ANKS1B: variants seen among roughly 807,000 people sequenced by gnomAD.
ANKS1B encodes ankyrin repeat and sterile alpha motif domain-containing protein 1B.
Under a neutral mutation model 148.3 loss-of-function variants are expected in ANKS1B, and 36 were observed. The ratio of observed to expected loss-of-function variants is 0.24; its 90% CI spans 0.19 to 0.32. The LOEUF (loss-of-function observed/expected upper bound fraction) is 0.32. ANKS1B is among the 10% of genes least tolerant of loss of function. The pLI, the probability that ANKS1B is intolerant of heterozygous loss-of-function variation, is 1.00. For synonymous variants in ANKS1B, 542 were observed against 560.8 expected, an observed-to-expected ratio of 0.97 and a Z score of 0.47; for missense variants, 1,157 against 1,542.6, an observed-to-expected ratio of 0.75 and a Z score of 4.19.
intron 8 of ANKS1B, among the ~76,000 whole-genome samples, chr12:99,715,974 C>T (rs911938548): frequency 1.6e-4 from 25 of 152,158 alleles, no homozygotes; most frequent in Admixed American, 3.3e-4. Context: ...ATTGCAGGGA[C>T]GCCTCTCCAT....
intron 4 of ANKS1B, among the ~76,000 whole-genome samples, chr12:99,791,005 C>G (rs1021355809): frequency 2.6e-5 from 4 of 151,850 alleles, no homozygotes; most frequent in Non-Finnish European, 5.9e-5. Flanking sequence ...AAAAACAAAA[C>G]CCAATGATCT....
intron 17 of ANKS1B, among the ~76,000 whole-genome samples, chr12:98,856,076 T>C (rs1340035971): frequency 6.6e-6 from 1 of 152,258 alleles, no homozygotes. Flanking sequence ...GTCCATTGTT[T>C]AGACGGAAGG....
At chr12:99,688,965 A>G (rs754937624) in intron 8 of ANKS1B, among the ~76,000 whole-genome samples, 2 of 152,048 alleles carry the variant, frequency 1.3e-5, no homozygotes, top group Non-Finnish European at 2.9e-5. Context: ...CATTGTGTAT[A>G]AAAAAATTAC....
intron 17 of ANKS1B, among the ~76,000 whole-genome samples, chr12:98,877,877 T>G (rs1040446342): frequency 6.6e-6 from 1 of 152,182 alleles, no homozygotes; most frequent in Non-Finnish European, 1.5e-5. Context: ...CAACACCACT[T>G]ATTCCATATA....
intron 1 of ANKS1B, among the ~76,000 whole-genome samples, chr12:99,932,612 TAATTG>T (rs1278711073): frequency 1.3e-5 from 2 of 152,230 alleles, no homozygotes; most frequent in Non-Finnish European, 2.9e-5. Flanking sequence ...GCCAATATTT[TAATTG>T]AATTACTAGA....
intron 1 of ANKS1B, among the ~76,000 whole-genome samples, chr12:99,912,097 T>C (rs1752565306): frequency 6.6e-6 from 1 of 152,182 alleles, no homozygotes; most frequent in African/African-American, 2.4e-5. Context: ...ACCAAAGGCG[T>C]GCAAGGGAAA....
At chr12:99,205,181 C>T (rs2082508295) in intron 14 of ANKS1B, among the ~76,000 whole-genome samples, 1 of 152,086 alleles carries the variant, frequency 6.6e-6, no homozygotes, top group Non-Finnish European at 1.5e-5. Context: ...AGATGATGGC[C>T]AAATCTCTAA....
Position 99,639,606 on chromosome 12 carries a change from C to T in ANKS1B, c.1272+15461G>A, listed in dbSNP as rs536951289. Reference sequence around the variant, plus strand: ...GAGGCAATTGGATCAGGGACAGTTACCCCCATCCTGCTGTTCTCATAATAG... The same window carrying T: ...GAGGCAATTGGATCAGGGACAGTTATCCCCATCCTGCTGTTCTCATAATAG... On this transcript the variant is annotated intron_variant, in intron 9 of 26. Transcript: ENST00000683438. 3.3e-5 allele frequency among the ~76,000 whole-genome samples: 5 copies of T among 152,226 alleles called. No homozygotes were observed. The East Asian group carries it at 7.7e-4, about 24-fold the overall frequency.
chr12:98,782,133 T>C lies in ANKS1B; in HGVS notation c.3347A>G (p.Asn1116Ser), dbSNP rs1184733772. ...TQDACAKMRA[N>S]CQKSTEQMKK... ...ACATCAAGAAGAACCTACCTGACAGTTAGCCTGGTGGATTTTCCAGTTAAG... is the reference window on the plus strand; with the variant it reads ...ACATCAAGAAGAACCTACCTGACAGCTAGCCTGGTGGATTTTCCAGTTAAG... The change falls in exon 23 of 27, where the codon AAC (asparagine) becomes AGC (serine). Residue 1116 changes from asparagine (N) to serine (S), a missense_variant. Asn to Ser is a conservative substitution (Grantham distance 46). Coordinates refer to ENST00000683438, the MANE Select transcript of ANKS1B (RefSeq NM_001352186.2). 1.9e-6 allele frequency: 3 copies of C among 1,600,114 alleles called. No homozygotes were observed. The highest frequency in any genetic ancestry group is 2.6e-6 in the Non-Finnish European group (3 of 1,172,828).
intron 17 of ANKS1B, among the ~76,000 whole-genome samples, chr12:98,900,980 T>G (rs931703334): frequency 3.3e-5 from 5 of 152,244 alleles, no homozygotes; most frequent in Admixed American, 1.3e-4. Context: ...TAGGCAGTTC[T>G]CTTTTGCTCT....
intron 2 of ANKS1B, among the ~76,000 whole-genome samples, chr12:99,816,985 T>C (rs1339125785): frequency 3.3e-5 from 5 of 151,694 alleles, no homozygotes; most frequent in Non-Finnish European, 1.5e-5. Flanking sequence ...TCAGGATAAT[T>C]GGGGTATCCA....
At chr12:98,916,307 A>G (rs772158136) in intron 17 of ANKS1B, among the ~76,000 whole-genome samples, 19 of 152,232 alleles carry the variant, frequency 1.2e-4, no homozygotes, top group Non-Finnish European at 2.4e-4. Context: ...GGGCTGATCC[A>G]AGAGAACATC....
intron 17 of ANKS1B, among the ~76,000 whole-genome samples, chr12:99,048,362 T>G (rs528421316): frequency 2.0e-5 from 3 of 152,198 alleles, no homozygotes; most frequent in Non-Finnish European, 4.4e-5. Flanking sequence ...TGTTGCGGAG[T>G]GTTCAAAACT....
rs1470553869 is a variant in ANKS1B at position 99,085,119 on chromosome 12, C to T, written c.2527-96G>A. 3 of 961,730 alleles carry T rather than the reference C, an allele frequency of 3.1e-6. No individual in the cohort carries two copies. The African/African-American group carries it at 4.9e-5, about 16-fold the overall frequency. The allele number at this position is 961,730 out of a possible 1,614,324, so 59.6% of individuals were successfully genotyped here. A position where few individuals can be genotyped will look rare whatever the true frequency, so the allele number is the denominator to read the frequency against. On this transcript the variant is annotated intron_variant, in intron 15 of 26. Coordinates refer to ENST00000683438, the MANE Select transcript of ANKS1B (RefSeq NM_001352186.2). ...TAATACAGAGAAAACCAGTGAGTGA[C>T]CTGATTTTTATGAACAAAGACATAG... is the stretch of plus-strand genomic sequence containing the variant.
chr12:99,733,297 G>C (rs1054451869), intron 8 of ANKS1B, among the ~76,000 whole-genome samples: 2 of 152,180 alleles, frequency 1.3e-5, no homozygotes, highest in African/African-American at 2.4e-5. Context: ...CCAGTGCCTC[G>C]TTAGGCTGGA....
intron 14 of ANKS1B, among the ~76,000 whole-genome samples, chr12:99,193,382 A>C (rs935507862): frequency 1.3e-5 from 2 of 152,196 alleles, no homozygotes; most frequent in Non-Finnish European, 2.9e-5. Context: ...ACTAAGAAAA[A>C]TCTGAACAAA....
At chr12:99,780,858 A>G (rs2064228383) in intron 5 of ANKS1B, among the ~76,000 whole-genome samples, 1 of 152,076 alleles carries the variant, frequency 6.6e-6, no homozygotes, top group Non-Finnish European at 1.5e-5. Context: ...AAGGTCAAAT[A>G]CTCTATGATA....
chr12:99,193,793 C>CTTTTTTTTT (rs34024548), intron 14 of ANKS1B, among the ~76,000 whole-genome samples: 3 of 66,836 alleles, frequency 4.5e-5, no homozygotes, highest in Non-Finnish European at 7.9e-5. Flanking sequence ...ATTTCTAGTT[C>CTTTTTTTTT]TTTTTTTTTT....
intron 25 of ANKS1B, among the ~76,000 whole-genome samples, chr12:98,752,202 T>C (rs1188564233): frequency 6.6e-6 from 1 of 152,164 alleles, no homozygotes; most frequent in Non-Finnish European, 1.5e-5. Flanking sequence ...AGCTGTGCCC[T>C]GACCACCTTG....
Sources: allele counts gnomAD v4.1 joint callset (sites outside exome capture counted in the v4.1 genomes callset), GRCh38; gene constraint gnomAD v4.1.1; transcripts MANE v1.5; gene names NCBI Gene and HGNC (gene_info 2026-07-23, HGNC 2026-07-21).